The following ITGAL variants were observed in gnomAD, a reference collection of about 807,000 sequenced individuals.
ITGAL encodes the protein integrin alpha-L.
ITGAL carries 68 observed loss-of-function variants against 138.4 expected under a neutral mutation model. That is an observed-to-expected ratio of 0.49 (90% CI 0.40 to 0.60). ITGAL has a LOEUF of 0.60. Ranked by LOEUF, ITGAL falls within the 20% of genes least tolerant of loss-of-function variation. ITGAL has a pLI of 0.00. For missense variants in ITGAL, 1,256 were observed against 1,478.6 expected (o/e 0.85, Z 2.47); for synonymous variants, 561 against 584.3 (o/e 0.96, Z 0.57).
chr16:30,476,119 C>T (rs1012040343), intron 4 of ITGAL, among the ~76,000 whole-genome samples: 13 of 151,938 alleles, frequency 8.6e-5, no homozygotes, highest in Non-Finnish European at 1.9e-4. Flanking sequence ...GGCATGGTCG[C>T]GGGCGCCTGT....
At position 30,479,527 on chromosome 16, in the gene ITGAL, T is replaced by A. The variant is rs148322002; in HGVS notation, c.576+66T>A. On this transcript the variant is annotated intron_variant, in intron 6 of 30. Transcript: ENST00000356798. ...TGCCTACCTGAACTGACTTAAACCA[T>A]GAAAGGAAATGTTAGTATGTGGAAT... 3.5e-5 allele frequency: 52 copies of A among 1,496,086 alleles called. 1 individual carries two copies. The African/African-American group carries it at 6.1e-4, about 18-fold the overall frequency. The allele number at this position is 1,496,086 out of a possible 1,614,324, so 92.7% of individuals were successfully genotyped here.
intron 30 of ITGAL, 74 bp from the exon 31 acceptor site, chr16:30,521,418 A>C (rs1477670161): frequency 1.4e-6 from 2 of 1,402,840 alleles, no homozygotes; most frequent in African/African-American, 1.4e-5. Context: ...AAAAAAAAAA[A>C]AGTGTTCTCA....
In ITGAL at chr16:30,479,138, G is replaced by C; in HGVS notation, c.375G>C (p.Leu125=). The C allele has an allele frequency of 1.9e-6, 3 of 1,614,184 alleles. No individual in the cohort carries two copies. Among genetic ancestry groups the C allele is most frequent in the South Asian group, 2.2e-5 (2 of 91,086 alleles). Reference sequence around the variant, plus strand: ...GAACGTGTGACCAGAACACCTATCTGAGTGGCCTGTGTTACCTCTTCCGCC... The same window carrying C: ...GAACGTGTGACCAGAACACCTATCTCAGTGGCCTGTGTTACCTCTTCCGCC... ...LSRTCDQNTY[L]SGLCYLFRQN... The change falls in exon 5 of 31, where the codon CTG becomes CTC. Residue 125 remains leucine (L), a synonymous_variant. Transcript: ENST00000356798.
In ITGAL at chr16:30,504,263, C is replaced by A; in HGVS notation, c.2234C>A (p.Ala745Glu). Residue 745 changes from alanine (A) to glutamate (E), a missense_variant and splice_region_variant, in exon 18 of 31, where the codon GCG (alanine) becomes GAG (glutamate). Physicochemically the swap from Ala to Glu is moderately radical, Grantham distance 107 (BLOSUM62 -1). Around this residue, in one of 3 missense-constraint regions of ITGAL, gnomAD observed 867 missense variants for 972.5 expected, o/e 0.89. Coordinates refer to ENST00000356798, the MANE Select transcript of ITGAL (RefSeq NM_002209.3). ...EEEGTPRDQR[A>E]QGKDIPPILR... is the part of the protein sequence containing the mutation. ...GAAGGGACACCGAGGGACCAAAGGG[C>A]GGTAAGAAGAGATGGCTAGGGATGG... 6.2e-7 allele frequency: 1 copy of A among 1,608,092 alleles called. No individual in the cohort carries two copies. The highest frequency in any genetic ancestry group is 8.5e-7 in the Non-Finnish European group (1 of 1,174,670).
chr16:30,490,120 A>G (rs2050703546), intron 11 of ITGAL, among the ~76,000 whole-genome samples: 3 of 144,484 alleles, frequency 2.1e-5, no homozygotes, highest in African/African-American at 7.7e-5. Context: ...CCAGCTACTC[A>G]GGGGGCTGAG....
intron 11 of ITGAL, among the ~76,000 whole-genome samples, chr16:30,492,419 T>C (rs1355352881): frequency 3.4e-4 from 49 of 144,738 alleles, no homozygotes; most frequent in Middle Eastern, 3.9e-3. Context: ...CCCAGCTAAT[T>C]TTTTGTATTT....
At chr16:30,500,458 G>T (rs752684398) in intron 17 of ITGAL, among the ~76,000 whole-genome samples, 4 of 151,946 alleles carry the variant, frequency 2.6e-5, no homozygotes, top group Admixed American at 6.6e-5. Context: ...GCCTCAAGAG[G>T]TTCTCTTGCC....
Position 30,510,973 on chromosome 16 carries a change from C to T in ITGAL, c.2699+13C>T, listed in dbSNP as rs201400365. On this transcript the variant is annotated intron_variant, in intron 23 of 30. Transcript: ENST00000356798. ...CCAATGTGACCTGGTGAGCAGGCCC[C>T]GCCCACATCCCTGCCATGGTCTCAG... 316 of 1,613,594 alleles carry T rather than the reference C, an allele frequency of 2.0e-4. 1 individual carries two copies. The highest frequency in any genetic ancestry group is 3.1e-4 in the East Asian group (14 of 44,890).
chr16:30,485,276 G>GAGTGCAGTGGCACAGTCTCTGCTCACTGC (rs1555505657), intron 9 of ITGAL, among the ~76,000 whole-genome samples: 3 of 144,838 alleles, frequency 2.1e-5, no homozygotes, highest in Admixed American at 1.4e-4. Flanking sequence ...GCCCAGGCTG[G>GAGTGCAGTGGCACAGTCTCTGCTCACTGC]AGTGCAGTGG....
intron 17 of ITGAL, among the ~76,000 whole-genome samples, chr16:30,499,737 T>A (rs1165166325): frequency 0.011 from 466 of 41,554 alleles, 6 homozygotes; most frequent in Non-Finnish European, 0.017. Context: ...ATATATATTT[T>A]TTTTTTTTTG....
At position 30,472,892 on chromosome 16, in the gene ITGAL, T is replaced by C. The variant is rs773740407; in HGVS notation, c.55T>C (p.Phe19Leu). The C allele has an allele frequency of 6.2e-7, 1 of 1,612,992 alleles. No individual in the cohort carries two copies. The highest frequency in any genetic ancestry group is 8.5e-7 in the Non-Finnish European group (1 of 1,179,792). ...MAMALLSGFF[F>L]FAPASSYNLD... Reference sequence around the variant, plus strand: ...CATGGCGCTGCTGTCTGGGTTCTTTTTCTTCGGTAGGCAAGGGAGGAGGCA... The same window carrying C: ...CATGGCGCTGCTGTCTGGGTTCTTTCTCTTCGGTAGGCAAGGGAGGAGGCA... The change falls in exon 1 of 31, where the codon TTC becomes CTC. Residue 19 changes from phenylalanine to leucine, a missense_variant. This residue lies in a region of ITGAL where 212 missense variants were observed against 217.4 expected (regional missense o/e 0.98). Coordinates refer to ENST00000356798, the MANE Select transcript of ITGAL (RefSeq NM_002209.3).
At chr16:30,473,959 T>C (rs755904978) in intron 1 of ITGAL, 2 of 661,532 alleles carry the variant, frequency 3.0e-6, no homozygotes, top group South Asian at 1.5e-5. Context: ...CCTTCCTTTT[T>C]TGCAGAGAGG....
At chr16:30,508,630 G>T (rs574183480) in intron 21 of ITGAL, among the ~76,000 whole-genome samples, 2 of 152,242 alleles carry the variant, frequency 1.3e-5, no homozygotes, top group East Asian at 3.9e-4. Flanking sequence ...AGAGTTCGAG[G>T]CCGCTGTGAG....
In ITGAL at chr16:30,521,573, G is replaced by C; in HGVS notation, c.3421G>C (p.Glu1141Gln). ...GAATGGAATCCCTGCAGAAGACTCT[G>C]AGCAGCTGGCATCTGGGCAAGAGGC... ...VPNGIPAEDS[E>Q]QLASGQEAGD... Residue 1141 changes from glutamate to glutamine, a missense_variant, in exon 31 of 31, where the codon GAG becomes CAG. Glu to Gln is a conservative substitution (Grantham distance 29). This residue lies in a region of ITGAL where 867 missense variants were observed against 972.5 expected (regional missense o/e 0.89). Coordinates refer to ENST00000356798, the MANE Select transcript of ITGAL (RefSeq NM_002209.3). 6.2e-7 allele frequency: 1 copy of C among 1,614,192 alleles called. No individual in the cohort carries two copies. Among genetic ancestry groups the C allele is most frequent in the Non-Finnish European group, 8.5e-7 (1 of 1,180,028 alleles).
Position 30,475,400 on chromosome 16 carries a change from G to T in ITGAL, c.259G>T (p.Gly87Cys). 1 of 1,612,600 alleles carries T rather than the reference G, an allele frequency of 6.2e-7. No homozygotes were observed. ...ACACTGCCTGCCAGTCACCCTGAGA[G>T]GTGAGTAACTGGGGGGTGAGCTGGG... ...TGHCLPVTLR[G>C]SNYTSKYLGM... is the part of the protein sequence containing the mutation. Residue 87 changes from glycine (G) to cysteine (C), a missense_variant and splice_region_variant, in exon 3 of 31, where the codon GGT (glycine) becomes TGT (cysteine). Physicochemically the swap from Gly to Cys is radical, Grantham distance 159. This residue lies in a region of ITGAL where 212 missense variants were observed against 217.4 expected (regional missense o/e 0.98). Coordinates refer to ENST00000356798, the MANE Select transcript of ITGAL (RefSeq NM_002209.3).
In ITGAL at chr16:30,491,970, T is replaced by C. The variant is rs116906764; in HGVS notation, c.1214-2242T>C. ...ACTCCATACGACAATAGGGAAGCGGTTCCGTCTCTTCACTCTTCCTTCCAT... is the reference window on the plus strand; with the variant it reads ...ACTCCATACGACAATAGGGAAGCGGCTCCGTCTCTTCACTCTTCCTTCCAT... On this transcript the variant is annotated intron_variant, in intron 11 of 30. Transcript: ENST00000356798. 1.7e-4 allele frequency among the ~76,000 whole-genome samples: 26 copies of C among 152,264 alleles called. 1 individual carries two copies. The East Asian group carries it at 5.0e-3, about 29-fold the overall frequency.
At chr16:30,500,754 C>T (rs1023205367) in intron 17 of ITGAL, among the ~76,000 whole-genome samples, 6 of 152,066 alleles carry the variant, frequency 3.9e-5, no homozygotes, top group African/African-American at 1.2e-4. Context: ...CGCGGTGGCT[C>T]AGCACTTTGG....
chr16:30,508,155 G>A (rs1051171053), intron 21 of ITGAL, among the ~76,000 whole-genome samples: 7 of 148,846 alleles, frequency 4.7e-5, no homozygotes, highest in Non-Finnish European at 1.0e-4. Flanking sequence ...TGATCCACCC[G>A]CCTCAGCCTC....
intron 9 of ITGAL, among the ~76,000 whole-genome samples, chr16:30,484,904 C>T (rs781418953): frequency 2.6e-5 from 4 of 151,626 alleles, no homozygotes; most frequent in Non-Finnish European, 5.9e-5. Context: ...GGCAACACAG[C>T]AAGACTCAGT....
Sources: gnomAD v4.1 joint callset for allele counts (sites outside exome capture counted in the v4.1 genomes callset) on GRCh38, gnomAD v4.1.1 for gene constraint, gnomAD v4.1.1 regional missense constraint, MANE v1.5 for transcripts, NCBI Gene and HGNC (gene_info 2026-07-23, HGNC 2026-07-21) for gene names.